Variants in CAMTA1 observed in about 807,000 individuals in gnomAD.
The protein encoded by CAMTA1 is calmodulin binding transcription activator 1, also known as calmodulin-binding transcription activator 1.
In CAMTA1, 27 loss-of-function variants were observed where a neutral mutation model predicts 170.9. That is an observed-to-expected ratio of 0.16 (90% CI 0.12 to 0.22). The LOEUF is 0.22. CAMTA1 is among the 10% of genes least tolerant of loss of function. The pLI is 1.00. For missense variants in CAMTA1, 1,619 were observed against 2,217.2 expected (o/e 0.73, Z 5.42); for synonymous variants, 833 against 891.5 (o/e 0.93, Z 1.17).
intron 6 of CAMTA1, among the ~76,000 whole-genome samples, chr1:7,625,261 A>AGGGGAGACT (rs1427985130): frequency 6.6e-6 from 1 of 152,212 alleles, no homozygotes; most frequent in Non-Finnish European, 1.5e-5. Context: ...GAAGGCAGTG[A>AGGGGAGACT]GGGGAGACTG....
chr1:7,265,166 C>T (rs533383362), intron 5 of CAMTA1, among the ~76,000 whole-genome samples: 2 of 152,252 alleles, frequency 1.3e-5, no homozygotes, highest in Admixed American at 6.6e-5. Flanking sequence ...ACTGTTCCTG[C>T]GCTGTCCCAG....
At chr1:6,896,454 C>T (rs1205501985) in intron 3 of CAMTA1, among the ~76,000 whole-genome samples, 1 of 152,080 alleles carries the variant, frequency 6.6e-6, no homozygotes, top group Non-Finnish European at 1.5e-5. Flanking sequence ...TCTCCTGTGG[C>T]GTGTCTGGCC....
chr1:7,656,945 C>T (rs2095908974), intron 7 of CAMTA1, among the ~76,000 whole-genome samples: 1 of 152,230 alleles, frequency 6.6e-6, no homozygotes, highest in South Asian at 2.1e-4. Context: ...GCCCTGGGTT[C>T]CTGCGACGGC....
At chr1:7,715,363 C>T (rs139513664) in intron 11 of CAMTA1, among the ~76,000 whole-genome samples, 20 of 152,098 alleles carry the variant, frequency 1.3e-4, no homozygotes, top group Non-Finnish European at 2.1e-4. Context: ...TGGGGGGGTT[C>T]TGTAAGGATC....
At chr1:6,892,597 CTTTTTTTT>C (rs70984032) in intron 3 of CAMTA1, among the ~76,000 whole-genome samples, 14 of 120,876 alleles carry the variant, frequency 1.2e-4, no homozygotes, top group Non-Finnish European at 2.2e-4. Flanking sequence ...TTTTTCTTTT[CTTTTTTTT>C]TTTTTTTTTG....
chr1:7,105,423 C>G (rs984603877), intron 4 of CAMTA1, among the ~76,000 whole-genome samples: 1 of 152,300 alleles, frequency 6.6e-6, no homozygotes, highest in South Asian at 2.1e-4. Context: ...GGAGAATTCC[C>G]CAGATCTGCT....
At chr1:7,154,684 C>T (rs1362873998) in intron 4 of CAMTA1, among the ~76,000 whole-genome samples, 6 of 152,324 alleles carry the variant, frequency 3.9e-5, no homozygotes, top group East Asian at 3.9e-4. Context: ...GACACCCACC[C>T]GAGTTCCGGG....
chr1:7,272,712 A>AG (rs1553297773), intron 5 of CAMTA1, among the ~76,000 whole-genome samples: 3 of 109,960 alleles, frequency 2.7e-5, no homozygotes, highest in Non-Finnish European at 3.9e-5. Context: ...AAAAAAAAAA[A>AG]AAAAGAAAAG....
chr1:7,316,365 A>C (rs1677505173), intron 5 of CAMTA1, among the ~76,000 whole-genome samples: 1 of 152,202 alleles, frequency 6.6e-6, no homozygotes, highest in African/African-American at 2.4e-5. Context: ...TCTATTTCCA[A>C]ATAAGGTCTC....
chr1:7,043,339 C>G (rs1010165460), intron 3 of CAMTA1, among the ~76,000 whole-genome samples: 6 of 145,582 alleles, frequency 4.1e-5, no homozygotes, highest in Non-Finnish European at 7.5e-5. Flanking sequence ...CCTTACCTTT[C>G]TGTGTGTGCA....
rs1236231395 is a variant in CAMTA1, at chr1:7,732,530, C to G, written c.2997C>G (p.His999Gln). The G allele has an allele frequency of 5.0e-6, 8 of 1,613,792 alleles. No individual in the cohort carries two copies. The highest frequency in any genetic ancestry group is 6.8e-6 in the Non-Finnish European group (8 of 1,179,998). Residue 999 changes from histidine to glutamine, a missense_variant, in exon 12 of 23, where the codon CAC (histidine) becomes CAG (glutamine). His to Gln is a conservative substitution (Grantham distance 24). Transcript: ENST00000303635. The surrounding 1 kb of genome is among the most constrained non-coding windows in gnomAD (Gnocchi z 4.1). ...CCGAGATGACGGGGTCCCAGCAGCACAAACAGGCGAGCGGAGGCGGCAGCA... is the reference window on the plus strand; with the variant it reads ...CCGAGATGACGGGGTCCCAGCAGCAGAAACAGGCGAGCGGAGGCGGCAGCA... ...RMAEMTGSQQ[H>Q]KQASGGGSSG...
At chr1:7,421,406 G>A (rs1237344733) in intron 5 of CAMTA1, among the ~76,000 whole-genome samples, 1 of 152,098 alleles carries the variant, frequency 6.6e-6, no homozygotes, top group Non-Finnish European at 1.5e-5. Context: ...CGCCCGTCCC[G>A]GCCTCCTAAA....
intron 6 of CAMTA1, among the ~76,000 whole-genome samples, chr1:7,593,259 T>C (rs1345156435): frequency 2.6e-5 from 4 of 152,174 alleles, no homozygotes; most frequent in Non-Finnish European, 2.9e-5. Context: ...TCAAGATTTA[T>C]TGGAGAGTGT....
chr1:7,241,887 C>T (rs6670323), intron 4 of CAMTA1, among the ~76,000 whole-genome samples: 7 of 151,976 alleles, frequency 4.6e-5, no homozygotes, highest in Admixed American at 3.9e-4. Flanking sequence ...ACCTTGGGTT[C>T]GGCAAAGCAC....
intron 6 of CAMTA1, among the ~76,000 whole-genome samples, chr1:7,615,427 A>C (rs1451526135): frequency 6.6e-6 from 1 of 152,238 alleles, no homozygotes; most frequent in Non-Finnish European, 1.5e-5. Context: ...GTGTGGCTGC[A>C]GCTGTGACAC....
chr1:7,287,057 C>G (rs1672443487), intron 5 of CAMTA1, among the ~76,000 whole-genome samples: 1 of 152,190 alleles, frequency 6.6e-6, no homozygotes, highest in Admixed American at 6.5e-5. Flanking sequence ...TAGCAGAGAT[C>G]AGCTGCCTGG....
intron 4 of CAMTA1, among the ~76,000 whole-genome samples, chr1:7,178,356 A>G (rs777056025): frequency 6.6e-5 from 10 of 152,056 alleles, no homozygotes; most frequent in Non-Finnish European, 1.3e-4. Context: ...ATTTCTAGTG[A>G]CTATTAATTG....
chr1:7,025,164 C>T (rs190728767), intron 3 of CAMTA1, among the ~76,000 whole-genome samples: 2 of 152,304 alleles, frequency 1.3e-5, no homozygotes, highest in Admixed American at 6.5e-5. Flanking sequence ...TAATGAGATG[C>T]GCAAGAGCTG....
rs1257658481 is a variant in CAMTA1, at chr1:7,276,291, A to ATTTTTTTTT, written c.438+26666_438+26667insTTTTTTTTT. ...CCTACACCTGATCATATATATATAT[A>ATTTTTTTTT]TATATATATATATTTTTTTTTTTTT... On this transcript the variant is annotated intron_variant, in intron 5 of 22. Transcript: ENST00000303635. Among the ~76,000 whole-genome samples the ATTTTTTTTT allele has an allele frequency of 1.3e-3, 68 of 51,288 alleles. 5 individuals are homozygous for ATTTTTTTTT. Among genetic ancestry groups the ATTTTTTTTT allele is most frequent in the Non-Finnish European group, 1.8e-3 (59 of 33,116 alleles). 33.6% of individuals were successfully genotyped at this position (51,288 alleles called of 152,430 possible). A position where few individuals can be genotyped will look rare whatever the true frequency, so the allele number is the denominator to read the frequency against.
Sources: allele counts gnomAD v4.1 joint callset (sites outside exome capture counted in the v4.1 genomes callset), GRCh38; gene constraint gnomAD v4.1.1; non-coding constraint Gnocchi (gnomAD v3.1); transcripts MANE v1.5; gene names NCBI Gene and HGNC (gene_info 2026-07-23, HGNC 2026-07-21).